MED17: variants seen among roughly 807,000 people sequenced by gnomAD.
The protein encoded by MED17 is mediator complex subunit 17.
A neutral mutation model predicts 80.8 loss-of-function variants in MED17; 49 were observed. That is an observed-to-expected ratio of 0.61 (90% CI 0.48 to 0.77). The LOEUF is 0.77. MED17 is among the 30% of genes least tolerant of loss of function. MED17 has a pLI of 0.00. For synonymous variants in MED17, 281 were observed against 280.4 expected (o/e 1.00, Z -0.02); for missense variants, 718 against 787.0 (o/e 0.91, Z 1.05).
At chr11:93,805,617 A>G (rs1023082155) in intron 9 of MED17, among the ~76,000 whole-genome samples, 3 of 152,318 alleles carry the variant, frequency 2.0e-5, no homozygotes, top group African/African-American at 7.2e-5. Flanking sequence ...TTTAATTAGT[A>G]CTACCAAATT....
At chr11:93,795,352 AG>A (rs1943888548) in intron 6 of MED17, 1 of 407,242 alleles carries the variant, frequency 2.5e-6, no homozygotes, top group Non-Finnish European at 4.5e-6. Flanking sequence ...ATAGTTATTT[AG>A]CAACAGTTGC....
intron 3 of MED17, among the ~76,000 whole-genome samples, chr11:93,791,474 G>A (rs1202247772): frequency 2.0e-5 from 3 of 152,150 alleles, no homozygotes; most frequent in Non-Finnish European, 4.4e-5. Flanking sequence ...GGAGGCTGAG[G>A]TGGGCAGATT....
chr11:93,787,196 G>A (rs868398683), intron 1 of MED17, among the ~76,000 whole-genome samples: 1 of 152,036 alleles, frequency 6.6e-6, no homozygotes, highest in African/African-American at 2.4e-5. Context: ...GGCAGATCAC[G>A]AGGTCAGGAG....
At position 93,788,100 on chromosome 11, in the gene MED17, G is replaced by A. The variant is rs758871944; in HGVS notation, c.350G>A (p.Ser117Asn). The A allele has an allele frequency of 6.2e-6, 10 of 1,613,658 alleles. No homozygotes were observed. The South Asian group carries it at 7.7e-5, about 12-fold the overall frequency. Residue 117 changes from serine to asparagine, a missense_variant, in exon 2 of 12, where the codon AGT becomes AAT. Transcript: ENST00000251871. ...ATGTGTGTTCTCTATGATGTTCTCA[G>A]TATTGTTAGGGATAAAAAATTTATG... Reference protein sequence around the residue: ...TEMCVLYDVLSIVRDKKFMTL... With the variant: ...TEMCVLYDVLNIVRDKKFMTL...
Position 93,793,937 on chromosome 11 carries a change from T to C in MED17, c.775-14T>C, listed in dbSNP as rs201751981. On this transcript the variant is annotated splice_polypyrimidine_tract_variant and intron_variant, in intron 4 of 11. Transcript: ENST00000251871. ...GTTAATTTGTTAACTTTTTTTGTTT[T>C]TGTTGTCATATAGGTTTCAATACAA... The C allele has an allele frequency of 1.5e-3, 2,400 of 1,613,908 alleles. 2 individuals carry two copies. Among genetic ancestry groups the C allele is most frequent in the Non-Finnish European group, 1.7e-3 (1,955 of 1,179,894 alleles).
At chr11:93,787,079 A>G (rs1943778359) in intron 1 of MED17, among the ~76,000 whole-genome samples, 1 of 152,120 alleles carries the variant, frequency 6.6e-6, no homozygotes, top group Non-Finnish European at 1.5e-5. Context: ...AGAAAATTGG[A>G]AATAGATGTA....
At position 93,812,470 on chromosome 11, in the gene MED17, A is replaced by C; in HGVS notation, c.*406A>C. On this transcript the variant is annotated 3_prime_UTR_variant, in exon 12 of 12. Coordinates refer to ENST00000251871, the MANE Select transcript of MED17 (RefSeq NM_004268.5). ...CTTTTTTTTTTTGAGATGGTATCTC[A>C]CTCTGTAGCCCAGTCTGGAGTGCAG... The C allele has an allele frequency of 2.9e-6, 1 of 347,972 alleles. No homozygotes were observed. The highest frequency in any genetic ancestry group is 5.1e-6 in the Non-Finnish European group (1 of 196,190). 21.6% of individuals were successfully genotyped at this position (347,972 alleles called of 1,614,324 possible).
chr11:93,784,794 C>G (rs371174201), intron 1 of MED17, 31 bp downstream of exon 1: 30 of 1,533,642 alleles, frequency 2.0e-5, no homozygotes, highest in Non-Finnish European at 2.4e-5. Context: ...CCGAGTCCCC[C>G]GGTCTGGGTC....
At chr11:93,786,509 C>T (rs1213940897) in intron 1 of MED17, among the ~76,000 whole-genome samples, 2 of 151,830 alleles carry the variant, frequency 1.3e-5, no homozygotes, top group South Asian at 2.1e-4. Context: ...CTCTGTCGGC[C>T]AGGCTGGAGT....
At chr11:93,799,077 T>C (rs1943934743) in intron 8 of MED17, among the ~76,000 whole-genome samples, 1 of 152,124 alleles carries the variant, frequency 6.6e-6, no homozygotes, top group Non-Finnish European at 1.5e-5. Flanking sequence ...GGCTCACCCC[T>C]GTAGTCCCTA....
Position 93,797,545 on chromosome 11 carries a change from A to G in MED17, c.1154A>G (p.Gln385Arg), listed in dbSNP as rs1427657582. 6.2e-7 allele frequency: 1 copy of G among 1,614,118 alleles called. No homozygotes were observed. Among genetic ancestry groups the G allele is most frequent in the Non-Finnish European group, 8.5e-7 (1 of 1,179,952 alleles). ...GGCTGTTTTTGTTAGTTTCATAAAC[A>G]GACCTTGAGTTCCATCATGATGCCT... ...LHLLIREFHKQTLSSIMMPHP... is the reference protein window; with the variant it reads ...LHLLIREFHKRTLSSIMMPHP... The change falls in exon 8 of 12, where the codon CAG (glutamine) becomes CGG (arginine). Residue 385 changes from glutamine (Q) to arginine (R), a missense_variant. Physicochemically the swap from Gln to Arg is conservative, Grantham distance 43. Transcript: ENST00000251871.
intron 1 of MED17, among the ~76,000 whole-genome samples, chr11:93,785,325 C>G (rs549839510): frequency 6.6e-6 from 1 of 152,202 alleles, no homozygotes; most frequent in East Asian, 1.9e-4. Flanking sequence ...TTAAAGTTTA[C>G]TCTAGATGCT....
chr11:93,804,900 G>A (rs1944008570), intron 9 of MED17, among the ~76,000 whole-genome samples: 1 of 152,146 alleles, frequency 6.6e-6, no homozygotes, highest in Admixed American at 6.5e-5. Context: ...AGAATACAAT[G>A]GGATCAATTA....
intron 1 of MED17, among the ~76,000 whole-genome samples, chr11:93,786,849 C>T (rs1432562060): frequency 6.6e-6 from 1 of 152,106 alleles, no homozygotes; most frequent in East Asian, 1.9e-4. Flanking sequence ...TGCACATATA[C>T]AGGGTATATA....
At position 93,784,794 on chromosome 11, in the gene MED17, C is replaced by A. The variant is rs371174201; in HGVS notation, c.250+31C>A. ...GCCTGCATCCGCTGCCCGAGTCCCCCGGTCTGGGTCCCAGCACCCGCGCGG... is the reference window on the plus strand; with the variant it reads ...GCCTGCATCCGCTGCCCGAGTCCCCAGGTCTGGGTCCCAGCACCCGCGCGG... On this transcript the variant is annotated intron_variant, in intron 1 of 11. Coordinates refer to ENST00000251871, the MANE Select transcript of MED17 (RefSeq NM_004268.5). 857 of 1,533,642 alleles carry A rather than the reference C, an allele frequency of 5.6e-4. 1 individual carries two copies. The highest frequency in any genetic ancestry group is 6.9e-4 in the Non-Finnish European group (790 of 1,146,518).
intron 3 of MED17, chr11:93,793,471 T>C: frequency 2.6e-6 from 1 of 381,460 alleles, no homozygotes; most frequent in Middle Eastern, 7.5e-4. Context: ...ATTTGGATTT[T>C]CTGTGGAATT....
At chr11:93,801,319 G>A (rs1241462325) in intron 8 of MED17, 1 of 157,228 alleles carries the variant, frequency 6.4e-6, no homozygotes, top group African/African-American at 2.4e-5. Context: ...TTTCTCATTG[G>A]TATTGATAGT....
chr11:93,787,124 C>T (rs1943778609), intron 1 of MED17, among the ~76,000 whole-genome samples: 1 of 151,974 alleles, frequency 6.6e-6, no homozygotes, highest in Admixed American at 6.6e-5. Context: ...AAAGGGTACA[C>T]TCACTGGGGC....
chr11:93,787,152 G>A (rs1317949496), intron 1 of MED17, among the ~76,000 whole-genome samples: 4 of 152,118 alleles, frequency 2.6e-5, no homozygotes, highest in South Asian at 2.1e-4. Context: ...AGTGGCTCAC[G>A]TCTGTAATCC....
Sources: allele counts gnomAD v4.1 joint callset (sites outside exome capture counted in the v4.1 genomes callset), GRCh38; gene constraint gnomAD v4.1.1; transcripts MANE v1.5; gene names NCBI Gene and HGNC (gene_info 2026-07-23, HGNC 2026-07-21).